Variants in CCDC157 observed in about 807,000 individuals in gnomAD.
CCDC157 encodes coiled-coil domain containing 157.
In CCDC157, 60 loss-of-function variants were observed where a neutral mutation model predicts 70.9. That is an observed-to-expected ratio of 0.85 (90% CI 0.69 to 1.05). The LOEUF (loss-of-function observed/expected upper bound fraction) is 1.05, where lower values mean the gene tolerates loss of function less well. CCDC157 is among the 50% of genes least tolerant of loss of function. CCDC157 has a pLI of 0.00. For missense variants in CCDC157, 943 were observed against 984.2 expected (o/e 0.96, Z 0.56); for synonymous variants, 373 against 422.4 (o/e 0.88, Z 1.43).
At chr22:30,372,310 CT>C (rs1933003830) in intron 7 of CCDC157, 24 bp downstream of exon 7, 1 of 1,506,240 alleles carries the variant, frequency 6.6e-7, no homozygotes, top group African/African-American at 1.4e-5. Flanking sequence ...CCTCGCTAGC[CT>C]GGGCATCTGC....
At chr22:30,359,154 T>A (rs1199589256) in intron 1 of CCDC157, among the ~76,000 whole-genome samples, 1 of 152,204 alleles carries the variant, frequency 6.6e-6, no homozygotes, top group Admixed American at 6.5e-5. Context: ...ATACACTTTC[T>A]CCCAGGTTGG....
intron 3 of CCDC157, chr22:30,366,611 T>G: frequency 3.1e-6 from 1 of 318,960 alleles, no homozygotes; most frequent in Non-Finnish European, 6.4e-6. Flanking sequence ...AGAGTTTCCA[T>G]TCCGGGCTCT....
intron 7 of CCDC157, 78 bp downstream of exon 7, chr22:30,372,364 G>A: frequency 1.4e-6 from 2 of 1,439,366 alleles, no homozygotes; most frequent in Non-Finnish European, 1.8e-6. Context: ...TCAGGGAATG[G>A]GGGATCATCT....
Position 30,366,011 on chromosome 22 carries a change from T to C in CCDC157, c.11T>C (p.Leu4Pro), listed in dbSNP as rs1487992519. The C allele has an allele frequency of 1.3e-6, 2 of 1,596,810 alleles. No homozygotes were observed. The highest frequency in any genetic ancestry group is 1.7e-5 in the Admixed American group (1 of 58,968). MAH[L>P]LGSQACMESL... ...CCAGGATCTGTGAGGATGGCGCACC[T>C]GCTGGGCAGCCAGGCCTGCATGGAG... Residue 4 changes from leucine to proline, a missense_variant, in exon 3 of 12, where the codon CTG becomes CCG. By Grantham distance (98) the Leu-to-Pro change is moderately conservative. Transcript: ENST00000338306.
At chr22:30,356,754 C>A (rs1196842072), upstream of CCDC157, 1 of 1,485,918 alleles carries the variant, frequency 6.7e-7, no homozygotes, top group Non-Finnish European at 9.0e-7. Context: ...TGGGCACGGG[C>A]GGCGGCGGGG....
chr22:30,370,972 C>T (rs760336980), intron 5 of CCDC157, 22 bp downstream of exon 5: 23 of 1,591,454 alleles, frequency 1.4e-5, no homozygotes, highest in African/African-American at 4.0e-5. Flanking sequence ...AGAGGCCAGA[C>T]GCCTGGTGCC....
rs1014825268 is a variant in CCDC157, at chr22:30,373,574, C to T, written c.1336-23C>T. 6 of 1,551,380 alleles carry T rather than the reference C, an allele frequency of 3.9e-6. No individual in the cohort carries two copies. The African/African-American group carries it at 8.2e-5, about 21-fold the overall frequency. On this transcript the variant is annotated intron_variant, in intron 7 of 11. Transcript: ENST00000338306. ...CTAGCCCTGTGGGTCTCACAGCCTC[C>T]CTGCTTGTCCGTTCCTGCTTAGTCT...
At chr22:30,372,677 G>C in intron 7 of CCDC157, 1 of 183,732 alleles carries the variant, frequency 5.4e-6, no homozygotes, top group Non-Finnish European at 1.1e-5. Context: ...CATCAGCCAG[G>C]GGAAGGACAG....
Sources: allele counts gnomAD v4.1 joint callset (sites outside exome capture counted in the v4.1 genomes callset), GRCh38; gene constraint gnomAD v4.1.1; transcripts MANE v1.5; gene names NCBI Gene and HGNC (gene_info 2026-07-23, HGNC 2026-07-21).